SH3GL2: variants seen among roughly 807,000 people sequenced by gnomAD.
SH3GL2 encodes the protein SH3 domain containing GRB2 like 2, endophilin A1, also known as endophilin-A1.
In SH3GL2, 24 loss-of-function variants were observed where a neutral mutation model predicts 46.0. The ratio of observed to expected loss-of-function variants is 0.52; its 90% CI spans 0.38 to 0.73. The LOEUF (loss-of-function observed/expected upper bound fraction) is 0.73, where lower values mean the gene tolerates loss of function less well. SH3GL2 is among the 30% of genes least tolerant of loss of function. The pLI is 0.00. For missense variants in SH3GL2, 413 were observed against 424.2 expected (o/e 0.97, Z 0.23); for synonymous variants, 196 against 147.1 (o/e 1.33, Z -2.40).
chr9:17,631,723 A>G lies in SH3GL2; in HGVS notation c.45+52436A>G, dbSNP rs142219758. ...TCCTTTATTCTCCCCACATCCCATC[A>G]TCTTCTGCAAACTTAACAATTTACT... On this transcript the variant is annotated intron_variant, in intron 1 of 8. Transcript: ENST00000380607. 2.2e-3 allele frequency among the ~76,000 whole-genome samples: 333 copies of G among 152,260 alleles called. 5 individuals carry two copies. The highest frequency in any genetic ancestry group is 7.7e-3 in the African/African-American group (321 of 41,550).
chr9:17,779,775 C>T (rs1432738451), intron 3 of SH3GL2, among the ~76,000 whole-genome samples: 1 of 152,092 alleles, frequency 6.6e-6, no homozygotes, highest in East Asian at 1.9e-4. Context: ...TTTCTTTACC[C>T]CCCACCACCA....
intron 1 of SH3GL2, among the ~76,000 whole-genome samples, chr9:17,743,544 T>A (rs886861893): frequency 6.7e-6 from 1 of 150,284 alleles, no homozygotes; most frequent in Non-Finnish European, 1.5e-5. Context: ...TTCCTTTCCC[T>A]CTCTTCTTCC....
chr9:17,598,684 C>T (rs946453901), intron 1 of SH3GL2, among the ~76,000 whole-genome samples: 1 of 152,288 alleles, frequency 6.6e-6, no homozygotes, highest in Middle Eastern at 3.4e-3. Flanking sequence ...ATTACATTCA[C>T]CATGGTTTGT....
At chr9:17,757,999 A>T (rs1011432534) in intron 2 of SH3GL2, among the ~76,000 whole-genome samples, 8 of 152,096 alleles carry the variant, frequency 5.3e-5, no homozygotes, top group African/African-American at 1.4e-4. Flanking sequence ...CGAGGTGGAG[A>T]GAAGTTAGAA....
chr9:17,582,199 A>T (rs1032540752), intron 1 of SH3GL2, among the ~76,000 whole-genome samples: 5 of 152,186 alleles, frequency 3.3e-5, no homozygotes, highest in Non-Finnish European at 7.3e-5. Context: ...TACAATTTGG[A>T]GGTAAAAAAA....
chr9:17,688,082 T>C (rs1395645552), intron 1 of SH3GL2, among the ~76,000 whole-genome samples: 2 of 152,110 alleles, frequency 1.3e-5, no homozygotes, highest in African/African-American at 4.8e-5. Context: ...AGTTCATCTT[T>C]TCCAGTCTCT....
At chr9:17,707,710 T>C (rs1256016653) in intron 1 of SH3GL2, among the ~76,000 whole-genome samples, 1 of 152,054 alleles carries the variant, frequency 6.6e-6, no homozygotes, top group African/African-American at 2.4e-5. Context: ...GAGTGAAAGT[T>C]GATATTGATA....
At chr9:17,684,470 A>G (rs1224445548) in intron 1 of SH3GL2, among the ~76,000 whole-genome samples, 7 of 152,114 alleles carry the variant, frequency 4.6e-5, no homozygotes, top group South Asian at 2.1e-4. Context: ...TACAATATCA[A>G]AAGTTCCAGT....
chr9:17,655,320 C>G (rs1303852155), intron 1 of SH3GL2, among the ~76,000 whole-genome samples: 2 of 152,106 alleles, frequency 1.3e-5, no homozygotes, highest in Non-Finnish European at 2.9e-5. Flanking sequence ...TGTTTTGTCC[C>G]TCCCTCTTCC....
chr9:17,697,415 G>GC (rs147091189), intron 1 of SH3GL2, among the ~76,000 whole-genome samples: 31,336 of 151,630 alleles, frequency 0.21, 3,853 homozygotes, highest in East Asian at 0.37. Flanking sequence ...GTAGAGACAG[G>GC]GTTTCACCAT....
intron 1 of SH3GL2, among the ~76,000 whole-genome samples, chr9:17,704,449 C>T (rs987870004): frequency 2.0e-5 from 3 of 151,546 alleles, no homozygotes; most frequent in Non-Finnish European, 4.4e-5. Context: ...AATATTAGAA[C>T]TCCTATGGAA....
At chr9:17,766,166 C>A (rs577964896) in intron 3 of SH3GL2, among the ~76,000 whole-genome samples, 1 of 152,282 alleles carries the variant, frequency 6.6e-6, no homozygotes, top group South Asian at 2.1e-4. Flanking sequence ...GAAGGCTTCA[C>A]AGCTAATTCC....
At chr9:17,653,997 A>G (rs1003789447) in intron 1 of SH3GL2, 8 of 228,046 alleles carry the variant, frequency 3.5e-5, no homozygotes, top group African/African-American at 1.9e-4. Context: ...GTATTCACAC[A>G]GCAGCTATCC....
At chr9:17,681,158 A>G (rs1487314140) in intron 1 of SH3GL2, among the ~76,000 whole-genome samples, 1 of 152,142 alleles carries the variant, frequency 6.6e-6, no homozygotes, top group Non-Finnish European at 1.5e-5. Flanking sequence ...AAAATGGGAA[A>G]AAATAGGAAG....
intron 1 of SH3GL2, among the ~76,000 whole-genome samples, chr9:17,622,566 A>G (rs556129697): frequency 6.6e-6 from 1 of 152,140 alleles, no homozygotes; most frequent in African/African-American, 2.4e-5. Flanking sequence ...CCACAACTTT[A>G]TTCTTTTAAT....
At chr9:17,767,167 C>T (rs1420099141) in intron 3 of SH3GL2, among the ~76,000 whole-genome samples, 3 of 152,142 alleles carry the variant, frequency 2.0e-5, no homozygotes, top group Admixed American at 2.0e-4. Context: ...GGGTTTGTTT[C>T]TCTATGGAAA....
At chr9:17,667,935 G>A (rs551931193) in intron 1 of SH3GL2, among the ~76,000 whole-genome samples, 19 of 152,188 alleles carry the variant, frequency 1.2e-4, no homozygotes, top group South Asian at 8.3e-4. Context: ...TGTGCATATT[G>A]GTCATTTGTA....
chr9:17,654,597 C>T (rs1163074090), intron 1 of SH3GL2, among the ~76,000 whole-genome samples: 1 of 152,158 alleles, frequency 6.6e-6, no homozygotes, highest in Non-Finnish European at 1.5e-5. Flanking sequence ...GAAAGTTAAT[C>T]TTTATCATCT....
chr9:17,653,213 C>T (rs990791627), intron 1 of SH3GL2, among the ~76,000 whole-genome samples: 2 of 152,018 alleles, frequency 1.3e-5, no homozygotes, highest in Non-Finnish European at 2.9e-5. Context: ...TTTATTATAA[C>T]TGTTTTGTGT....
Sources: gnomAD v4.1 joint callset for allele counts (sites outside exome capture counted in the v4.1 genomes callset) on GRCh38, gnomAD v4.1.1 for gene constraint, MANE v1.5 for transcripts, NCBI Gene and HGNC (gene_info 2026-07-23, HGNC 2026-07-21) for gene names.